Variants in CCBE1 observed in about 807,000 individuals in gnomAD.
CCBE1 encodes the protein collagen and calcium-binding EGF domain-containing protein 1.
CCBE1 carries 37 observed loss-of-function variants against 50.0 expected under a neutral mutation model. The ratio of observed to expected loss-of-function variants is 0.74; its 90% CI spans 0.57 to 0.97. CCBE1 has a LOEUF of 0.97. Ranked by LOEUF, CCBE1 falls within the 50% of genes least tolerant of loss-of-function variation. CCBE1 has a pLI of 0.00. For missense variants in CCBE1, 538 were observed against 523.8 expected, an observed-to-expected ratio of 1.03 and a Z score of -0.26; for synonymous variants, 234 against 203.7, an observed-to-expected ratio of 1.15 and a Z score of -1.27.
intron 2 of CCBE1, among the ~76,000 whole-genome samples, chr18:59,623,945 T>C (rs2053744920): frequency 6.6e-6 from 1 of 152,222 alleles, no homozygotes; most frequent in Non-Finnish European, 1.5e-5. Context: ...TGGTTTTTAT[T>C]AATCATGTTC....
chr18:59,684,466 A>G lies in CCBE1; in HGVS notation c.212+12163T>C, dbSNP rs566174653. Among the ~76,000 whole-genome samples, 326 of 152,256 alleles carry G rather than the reference A, an allele frequency of 2.1e-3. 3 individuals carry two copies. Among genetic ancestry groups the G allele is most frequent in the African/African-American group, 7.7e-3 (321 of 41,548 alleles). ...TCTGTCTCAAAAAAAAAAATTCTCC[A>G]TTACTATAATATCCTCAGTAATAGG... On this transcript the variant is annotated intron_variant, in intron 2 of 10. Coordinates refer to ENST00000439986, the MANE Select transcript of CCBE1 (RefSeq NM_133459.4).
At chr18:59,639,033 G>A (rs2053950308) in intron 2 of CCBE1, among the ~76,000 whole-genome samples, 1 of 152,128 alleles carries the variant, frequency 6.6e-6, no homozygotes, top group African/African-American at 2.4e-5. Flanking sequence ...GAGGGTAAAT[G>A]GCATCCAAAA....
chr18:59,557,516 C>T (rs2052671099), intron 2 of CCBE1, among the ~76,000 whole-genome samples: 1 of 152,170 alleles, frequency 6.6e-6, no homozygotes, highest in Non-Finnish European at 1.5e-5. Flanking sequence ...TGCAATCCCC[C>T]CATTTCCACT....
chr18:59,471,261 G>A (rs568904923), intron 3 of CCBE1, among the ~76,000 whole-genome samples: 1 of 152,314 alleles, frequency 6.6e-6, no homozygotes, highest in East Asian at 1.9e-4. Flanking sequence ...CAACTCTTCT[G>A]ATTCTTTCTA....
At chr18:59,447,493 G>A (rs747230002) in intron 7 of CCBE1, among the ~76,000 whole-genome samples, 56 of 152,182 alleles carry the variant, frequency 3.7e-4, no homozygotes, top group Non-Finnish European at 7.2e-4. Context: ...CAGTTGACTT[G>A]TAAAAACATA....
chr18:59,572,095 A>C (rs72964876), intron 2 of CCBE1, among the ~76,000 whole-genome samples: 13,596 of 152,304 alleles, frequency 0.089, 760 homozygotes, highest in East Asian at 0.12. Flanking sequence ...ACAAAAAATG[A>C]AAAGAATTTT....
chr18:59,590,673 G>A (rs1336579051), intron 2 of CCBE1, among the ~76,000 whole-genome samples: 1 of 152,188 alleles, frequency 6.6e-6, no homozygotes, highest in African/African-American at 2.4e-5. Context: ...TAAGAGGACA[G>A]AGACCAATGG....
intron 2 of CCBE1, among the ~76,000 whole-genome samples, chr18:59,511,487 T>C (rs1209806694): frequency 6.6e-6 from 1 of 152,134 alleles, no homozygotes; most frequent in Admixed American, 6.5e-5. Flanking sequence ...GCTTAGGAGG[T>C]TTGAAAGTTA....
At chr18:59,560,755 AGTTGTCAC>A (rs2052724289) in intron 2 of CCBE1, among the ~76,000 whole-genome samples, 1 of 152,206 alleles carries the variant, frequency 6.6e-6, no homozygotes, top group Non-Finnish European at 1.5e-5. Flanking sequence ...GGCGGGTTAC[AGTTGTCAC>A]GTGGACAACT....
At chr18:59,532,420 T>C (rs936470174) in intron 2 of CCBE1, among the ~76,000 whole-genome samples, 1 of 152,158 alleles carries the variant, frequency 6.6e-6, no homozygotes. Flanking sequence ...CGCATTAAAC[T>C]GACTCCTTCC....
At chr18:59,535,398 C>T (rs992861358) in intron 2 of CCBE1, among the ~76,000 whole-genome samples, 11 of 152,114 alleles carry the variant, frequency 7.2e-5, no homozygotes, top group African/African-American at 9.7e-5. Flanking sequence ...CCGGCATTAC[C>T]GGGTGTTAGT....
chr18:59,541,121 T>G lies in CCBE1; in HGVS notation c.213-60883A>C, dbSNP rs151244315. On this transcript the variant is annotated intron_variant, in intron 2 of 10. Transcript: ENST00000439986. The stretch of plus-strand genomic sequence containing the variant: ...CATTAATCGGTTAGAGTAGCCATAA[T>G]GACATTATAATTTATATATGGTAGC... Among the ~76,000 whole-genome samples the G allele has an allele frequency of 5.3e-4, 80 of 152,352 alleles. 3 individuals carry two copies. In the East Asian group the frequency reaches 0.01, roughly 19 times the overall value.
At chr18:59,622,220 G>A (rs557632352) in intron 2 of CCBE1, among the ~76,000 whole-genome samples, 11 of 152,298 alleles carry the variant, frequency 7.2e-5, no homozygotes, top group African/African-American at 2.6e-4. Context: ...CATGAATACT[G>A]TACAGATGGA....
Position 59,645,930 on chromosome 18 carries a change from C to G in CCBE1, c.212+50699G>C, listed in dbSNP as rs150987801. On this transcript the variant is annotated intron_variant, in intron 2 of 10. Transcript: ENST00000439986. ...CCTGTAGTCCCAGTGACTTGGGAGG[C>G]TGAGGCAGGAGAATGGTGTGAACCC... Among the ~76,000 whole-genome samples, 45 of 152,072 alleles carry G rather than the reference C, an allele frequency of 3.0e-4. No homozygotes were observed. In the East Asian group the frequency reaches 8.3e-3, roughly 28 times the overall value.
At chr18:59,624,112 G>A (rs1283256615) in intron 2 of CCBE1, among the ~76,000 whole-genome samples, 1 of 152,218 alleles carries the variant, frequency 6.6e-6, no homozygotes, top group Non-Finnish European at 1.5e-5. Flanking sequence ...AATTTAAGAA[G>A]ACATCTAGCT....
intron 2 of CCBE1, among the ~76,000 whole-genome samples, chr18:59,521,808 C>G (rs1294586942): frequency 1.3e-5 from 2 of 152,110 alleles, no homozygotes; most frequent in Admixed American, 6.6e-5. Flanking sequence ...ATTCATTGAA[C>G]TTGGTGGACA....
intron 2 of CCBE1, among the ~76,000 whole-genome samples, chr18:59,485,041 A>G (rs1912749670): frequency 6.6e-6 from 1 of 152,332 alleles, no homozygotes; most frequent in Admixed American, 6.5e-5. Context: ...CTTTAGAAAA[A>G]CAAACTAAGA....
At chr18:59,555,860 A>C (rs188547717) in intron 2 of CCBE1, among the ~76,000 whole-genome samples, 143 of 152,376 alleles carry the variant, frequency 9.4e-4, no homozygotes, top group African/African-American at 3.4e-3. Flanking sequence ...CTGAAGAAAC[A>C]GACCAATTCT....
intron 2 of CCBE1, among the ~76,000 whole-genome samples, chr18:59,553,659 A>T (rs980928439): frequency 5.9e-5 from 9 of 152,234 alleles, no homozygotes; most frequent in Non-Finnish European, 1.3e-4. Flanking sequence ...CCTATTTGGG[A>T]AACATACACT....
Sources: allele counts gnomAD v4.1 joint callset (sites outside exome capture counted in the v4.1 genomes callset), GRCh38; gene constraint gnomAD v4.1.1; transcripts MANE v1.5; gene names NCBI Gene and HGNC (gene_info 2026-07-23, HGNC 2026-07-21).